Variants in ZDHHC15 observed in about 807,000 individuals in gnomAD.
The protein encoded by ZDHHC15 is palmitoyltransferase ZDHHC15.
ZDHHC15 carries 19 observed loss-of-function variants against 31.7 expected under a neutral mutation model. The observed-to-expected ratio is 0.60, with a 90% confidence interval of 0.42 to 0.88. The LOEUF (loss-of-function observed/expected upper bound fraction) is 0.88, where lower values mean the gene tolerates loss of function less well. Among genes scored for constraint, ZDHHC15 ranks in the 40% least tolerant of loss-of-function variants. The pLI, the probability that ZDHHC15 is intolerant of heterozygous loss-of-function variation, is 0.00. For missense variants in ZDHHC15, 209 were observed against 251.2 expected (o/e 0.83, Z 1.14); for synonymous variants, 103 against 90.0 (o/e 1.14, Z -0.82).
chrX:75,517,946 C>T lies in ZDHHC15; in HGVS notation c.136+4943G>A, dbSNP rs192100125. 5.5e-5 allele frequency among the ~76,000 whole-genome samples: 6 copies of T among 108,329 alleles called. No homozygotes were observed. The Admixed American group carries it at 6.0e-4, about 11-fold the overall frequency. The allele number at this position is 108,329 out of a possible 115,157, so 94.1% of individuals were successfully genotyped here. A position where few individuals can be genotyped will look rare whatever the true frequency, so the allele number is the denominator to read the frequency against. ...AGGAGTTTGAGATCAGCCTGGGCAA[C>T]ATAGTGAGGTCCCGTATCAAAAACA... On this transcript the variant is annotated intron_variant, in intron 1 of 11. Coordinates refer to ENST00000373367, the MANE Select transcript of ZDHHC15 (RefSeq NM_144969.3).
At chrX:75,476,744 CTTCCCTTCTCTCCTCTT>C (rs1431630345) in intron 3 of ZDHHC15, among the ~76,000 whole-genome samples, 7 of 104,880 alleles carry the variant, frequency 6.7e-5, no homozygotes, top group African/African-American at 1.4e-4. Flanking sequence ...CCTCCCCTCC[CTTCCCTTCTCTCCTCTT>C]TTCCCTTCTC....
chrX:75,379,723 T>C (rs966108674), intron 10 of ZDHHC15, among the ~76,000 whole-genome samples: 2 of 112,455 alleles, frequency 1.8e-5, no homozygotes, highest in African/African-American at 6.5e-5. Flanking sequence ...ATCAGCTTGC[T>C]GAATGTACAG....
intron 4 of ZDHHC15, among the ~76,000 whole-genome samples, chrX:75,432,764 A>T (rs1239852855): frequency 9.0e-6 from 1 of 110,941 alleles, no homozygotes; most frequent in Admixed American, 9.7e-5. Flanking sequence ...ATCGCTTGAG[A>T]CCAAGAGTTC....
At chrX:75,490,864 C>G (rs911652882) in intron 2 of ZDHHC15, among the ~76,000 whole-genome samples, 3 of 111,648 alleles carry the variant, frequency 2.7e-5, no homozygotes, top group African/African-American at 9.8e-5. Flanking sequence ...TTTGCTGAAG[C>G]TTATGAAAAA....
At chrX:75,373,506 T>A (rs1050091059) in intron 11 of ZDHHC15, among the ~76,000 whole-genome samples, 12 of 111,274 alleles carry the variant, frequency 1.1e-4, no homozygotes, top group Non-Finnish European at 2.3e-4. Context: ...GAAAATGATT[T>A]GGCCTTATCC....
chrX:75,429,707 T>C (rs2083755699), intron 6 of ZDHHC15, among the ~76,000 whole-genome samples: 1 of 112,003 alleles, frequency 8.9e-6, no homozygotes, highest in Admixed American at 9.5e-5. Context: ...CTATGCTCAA[T>C]TGCTAAAGTT....
intron 1 of ZDHHC15, among the ~76,000 whole-genome samples, chrX:75,511,876 C>T (rs1447361376): frequency 2.5e-5 from 1 of 40,372 alleles, no homozygotes. Flanking sequence ...AACATTGATG[C>T]AAAAATCCTC....
At chrX:75,497,939 T>TG (rs1396369823) in intron 2 of ZDHHC15, among the ~76,000 whole-genome samples, 2 of 105,594 alleles carry the variant, frequency 1.9e-5, no homozygotes, top group African/African-American at 3.5e-5. Flanking sequence ...CCCACTTTTT[T>TG]TTTTTTTTTT....
chrX:75,479,012 A>G, intron 2 of ZDHHC15, 27 bp from the exon 3 acceptor site: 2 of 1,011,525 alleles, frequency 2.0e-6, no homozygotes, highest in Admixed American at 2.9e-5. Flanking sequence ...ATCAGTGTTT[A>G]TACTATCTTT....
chrX:75,514,082 C>A (rs1041575410), intron 1 of ZDHHC15, among the ~76,000 whole-genome samples: 2 of 112,858 alleles, frequency 1.8e-5, no homozygotes, highest in Non-Finnish European at 3.7e-5. Context: ...ACTGAGGGAG[C>A]TGATCACTAG....
intron 8 of ZDHHC15, among the ~76,000 whole-genome samples, chrX:75,422,990 G>A (rs2083667526): frequency 1.3e-5 from 1 of 75,364 alleles, no homozygotes; most frequent in African/African-American, 5.6e-5. Flanking sequence ...AGAGTGTGAT[G>A]TTCCCCTTCC....
chrX:75,456,427 C>T (rs1192280983), intron 3 of ZDHHC15, among the ~76,000 whole-genome samples: 2 of 110,318 alleles, frequency 1.8e-5, no homozygotes, highest in Non-Finnish European at 3.8e-5. Flanking sequence ...GGGCACAGCA[C>T]ACCAACATGG....
chrX:75,509,669 G>A (rs2085229238), intron 1 of ZDHHC15, among the ~76,000 whole-genome samples: 1 of 112,454 alleles, frequency 8.9e-6, no homozygotes, highest in Non-Finnish European at 1.9e-5. Context: ...TAATCACTGT[G>A]TGCCTCAGTT....
intron 1 of ZDHHC15, among the ~76,000 whole-genome samples, chrX:75,511,700 C>A (rs1419082423): frequency 9.6e-6 from 1 of 103,802 alleles, no homozygotes; most frequent in South Asian, 4.8e-4. Context: ...CCGAATTCTA[C>A]CAGAGGTACA....
At chrX:75,396,379 C>T (rs971241969) in intron 10 of ZDHHC15, among the ~76,000 whole-genome samples, 10 of 111,453 alleles carry the variant, frequency 9.0e-5, no homozygotes, top group African/African-American at 2.9e-4. Flanking sequence ...AAATGGCAAA[C>T]GGGTACATGG....
chrX:75,420,367 T>C (rs956214027), intron 9 of ZDHHC15, among the ~76,000 whole-genome samples: 8 of 111,389 alleles, frequency 7.2e-5, no homozygotes, highest in African/African-American at 2.6e-4. Flanking sequence ...GGAGTGTAAA[T>C]TAGTTCAACC....
intron 2 of ZDHHC15, among the ~76,000 whole-genome samples, chrX:75,497,179 A>C (rs1157749540): frequency 1.8e-5 from 2 of 111,830 alleles, no homozygotes; most frequent in Admixed American, 9.5e-5. Context: ...CAGAAATACA[A>C]AAGATCATTG....
intron 8 of ZDHHC15, among the ~76,000 whole-genome samples, chrX:75,423,123 C>T (rs1035518655): frequency 4.6e-5 from 5 of 108,802 alleles, no homozygotes; most frequent in Non-Finnish European, 9.5e-5. Flanking sequence ...GTCAATCAAT[C>T]TTCCTGTCTC....
At chrX:75,475,752 A>G (rs1315626908) in intron 3 of ZDHHC15, among the ~76,000 whole-genome samples, 1 of 112,010 alleles carries the variant, frequency 8.9e-6, no homozygotes, top group East Asian at 2.8e-4. Context: ...TTCTGCAAAA[A>G]AAAGATCATT....
Sources: allele counts gnomAD v4.1 joint callset (sites outside exome capture counted in the v4.1 genomes callset), GRCh38; gene constraint gnomAD v4.1.1; transcripts MANE v1.5; gene names NCBI Gene and HGNC (gene_info 2026-07-23, HGNC 2026-07-21).